The following ITGA1 variants were observed in gnomAD, a reference collection of about 807,000 sequenced individuals.
ITGA1 encodes integrin alpha-1.
A neutral mutation model predicts 145.9 loss-of-function variants in ITGA1; 85 were observed. The ratio of observed to expected loss-of-function variants is 0.58; its 90% CI spans 0.49 to 0.70. The LOEUF (loss-of-function observed/expected upper bound fraction) is 0.70, where lower values mean the gene tolerates loss of function less well. Among genes scored for constraint, ITGA1 ranks in the 30% least tolerant of loss-of-function variants. The pLI is 0.00. For missense variants in ITGA1, 1,351 were observed against 1,418.7 expected, an observed-to-expected ratio of 0.95 and a Z score of 0.77; for synonymous variants, 520 against 495.3, an observed-to-expected ratio of 1.05 and a Z score of -0.66.
chr5:52,888,411 T>G (rs996347760), intron 8 of ITGA1, among the ~76,000 whole-genome samples: 1 of 152,188 alleles, frequency 6.6e-6, no homozygotes, highest in Non-Finnish European at 1.5e-5. Flanking sequence ...TGGGCTTCCC[T>G]TCCCCGTCTG....
rs187802812 is a variant in ITGA1, at chr5:52,937,750, A to G, written c.3078+236A>G. Reference sequence around the variant, plus strand: ...CAAATTTATTCTTTCACGGTTCTGGAGTCCAGAAGTCCAAAATCAAGGTGT... The same window carrying G: ...CAAATTTATTCTTTCACGGTTCTGGGGTCCAGAAGTCCAAAATCAAGGTGT... On this transcript the variant is annotated intron_variant, in intron 24 of 28. Coordinates refer to ENST00000282588, the MANE Select transcript of ITGA1 (RefSeq NM_181501.2). Among the ~76,000 whole-genome samples the G allele has an allele frequency of 2.0e-5, 3 of 152,348 alleles. No homozygotes were observed. The East Asian group carries it at 5.8e-4, about 29-fold the overall frequency.
chr5:52,867,442 C>G (rs1018785670), intron 6 of ITGA1, among the ~76,000 whole-genome samples: 9 of 152,086 alleles, frequency 5.9e-5, no homozygotes, highest in African/African-American at 2.2e-4. Context: ...CTGGAAGTGA[C>G]TTATTTGCAA....
At chr5:52,795,039 C>A (rs1340891483) in intron 1 of ITGA1, among the ~76,000 whole-genome samples, 2 of 151,884 alleles carry the variant, frequency 1.3e-5, no homozygotes, top group Non-Finnish European at 2.9e-5. Context: ...TTAAGAGTAA[C>A]CTTCTTTTTA....
chr5:52,944,712 A>AT (rs1185204619), intron 26 of ITGA1, among the ~76,000 whole-genome samples: 6 of 152,054 alleles, frequency 3.9e-5, no homozygotes, highest in Non-Finnish European at 7.4e-5. Context: ...TATTTTTAAA[A>AT]TTTTTTTTCA....
At chr5:52,854,994 C>T (rs926449510) in intron 2 of ITGA1, among the ~76,000 whole-genome samples, 8 of 152,080 alleles carry the variant, frequency 5.3e-5, no homozygotes, top group East Asian at 1.9e-4. Context: ...AGGAATAAAA[C>T]GTAATAAGTT....
At chr5:52,933,718 C>T in intron 22 of ITGA1, 176 bp from the exon 23 acceptor site, 1 of 344,260 alleles carries the variant, frequency 2.9e-6, no homozygotes, top group Non-Finnish European at 5.4e-6. Context: ...TTACATAATC[C>T]TTCTCACTCT....
At chr5:52,790,162 A>C (rs1748211448) in intron 1 of ITGA1, among the ~76,000 whole-genome samples, 1 of 152,134 alleles carries the variant, frequency 6.6e-6, no homozygotes, top group Non-Finnish European at 1.5e-5. Context: ...CATGCACACT[A>C]CTGTAGAGCT....
At chr5:52,821,845 A>T (rs1748884670) in intron 1 of ITGA1, among the ~76,000 whole-genome samples, 1 of 152,082 alleles carries the variant, frequency 6.6e-6, no homozygotes, top group African/African-American at 2.4e-5. Flanking sequence ...TTTTTATTTG[A>T]GTTGTTTCGA....
chr5:52,835,728 G>T lies in ITGA1; in HGVS notation c.62-13637G>T, dbSNP rs554252813. 1.1e-4 allele frequency among the ~76,000 whole-genome samples: 17 copies of T among 152,216 alleles called. 2 individuals carry two copies. The South Asian group carries it at 2.1e-3, about 19-fold the overall frequency. On this transcript the variant is annotated intron_variant, in intron 1 of 28. Coordinates refer to ENST00000282588, the MANE Select transcript of ITGA1 (RefSeq NM_181501.2). ...TATTAGATTCCATTGATGTCACAAG[G>T]TGTTCTTTTTGTTGTTGTTATTGGT...
At chr5:52,910,096 T>G in intron 13 of ITGA1, 66 bp from the exon 14 acceptor site, 1 of 1,461,758 alleles carries the variant, frequency 6.8e-7, no homozygotes, top group Non-Finnish European at 9.3e-7. Flanking sequence ...TTAGTATACT[T>G]TAAAAATTCT....
At chr5:52,933,232 C>T (rs1301727392) in intron 22 of ITGA1, 1 of 152,002 alleles carries the variant, frequency 6.6e-6, no homozygotes, top group Non-Finnish European at 1.5e-5. Context: ...GATTATAGGA[C>T]ATACATGTAG....
At position 52,911,981 on chromosome 5, in the gene ITGA1, C is replaced by G. The variant is rs544223135; in HGVS notation, c.1857+1562C>G. 1.1e-3 allele frequency among the ~76,000 whole-genome samples: 74 copies of G among 68,656 alleles called. 5 individuals carry two copies. The highest frequency in any genetic ancestry group is 1.2e-3 in the Non-Finnish European group (37 of 30,038). The allele number at this position is 68,656 out of a possible 152,430, so 45.0% of individuals were successfully genotyped here. A position where few individuals can be genotyped will look rare whatever the true frequency, so the allele number is the denominator to read the frequency against. ...ATATATAGTGTATCTACTATATATA[C>G]TATATGTATAGTGTGTATCTACTAT... is the stretch of plus-strand genomic sequence containing the variant. On this transcript the variant is annotated intron_variant, in intron 14 of 28. Transcript: ENST00000282588.
chr5:52,939,615 T>C lies in ITGA1; in HGVS notation c.3104T>C (p.Phe1035Ser), dbSNP rs1158020567. The C allele has an allele frequency of 1.9e-6, 3 of 1,612,766 alleles. No homozygotes were observed. The highest frequency in any genetic ancestry group is 1.3e-5 in the African/African-American group (1 of 74,996). The part of the protein sequence containing the change: ...SENANCRPHI[F>S]EDPFSINSGK... ...AATGCAAACTGCAGACCCCATATCTTTGAGGATCCTTTCAGTATCAACTCT... is the reference window on the plus strand; with the variant it reads ...AATGCAAACTGCAGACCCCATATCTCTGAGGATCCTTTCAGTATCAACTCT... Residue 1035 changes from phenylalanine to serine, a missense_variant, in exon 25 of 29, where the codon TTT becomes TCT. Physicochemically the swap from Phe to Ser is radical, Grantham distance 155. Coordinates refer to ENST00000282588, the MANE Select transcript of ITGA1 (RefSeq NM_181501.2).
chr5:52,922,871 A>T lies in ITGA1; in HGVS notation c.2387A>T (p.Asn796Ile), dbSNP rs1308203035. The T allele has an allele frequency of 6.3e-7, 1 of 1,594,414 alleles. No individual in the cohort carries two copies. The highest frequency in any genetic ancestry group is 1.1e-5 in the South Asian group (1 of 90,676). The change falls in exon 18 of 29, where the codon AAC (asparagine) becomes ATC (isoleucine). Residue 796 changes from asparagine to isoleucine, a missense_variant. Coordinates refer to ENST00000282588, the MANE Select transcript of ITGA1 (RefSeq NM_181501.2). The stretch of plus-strand genomic sequence containing the variant: ...CCTGTTCTTGATGATTCTCTACCAA[A>T]CTCAGTACATGAATATGTAAGTCAG... ...NGPVLDDSLP[N>I]SVHEYIPFAK...
chr5:52,825,395 T>C (rs551836298), intron 1 of ITGA1, among the ~76,000 whole-genome samples: 89 of 152,320 alleles, frequency 5.8e-4, no homozygotes, highest in African/African-American at 2.1e-3. Flanking sequence ...CAGCAAGTGC[T>C]CATTTTGTGT....
At chr5:52,900,232 C>T (rs537416907) in intron 11 of ITGA1, among the ~76,000 whole-genome samples, 59 of 152,076 alleles carry the variant, frequency 3.9e-4, no homozygotes, top group Non-Finnish European at 7.2e-4. Flanking sequence ...ATGTGAAATA[C>T]CTTGGAATCA....
intron 1 of ITGA1, chr5:52,800,302 C>T: frequency 7.0e-7 from 1 of 1,429,626 alleles, no homozygotes; most frequent in Non-Finnish European, 9.6e-7. Flanking sequence ...GGCCCCGCCC[C>T]CTTCCTGGCC....
At chr5:52,937,935 T>C (rs1750995540) in intron 24 of ITGA1, among the ~76,000 whole-genome samples, 1 of 151,288 alleles carries the variant, frequency 6.6e-6, no homozygotes, top group Non-Finnish European at 1.5e-5. Context: ...TGTGTTTCTA[T>C]GTGTTCTCCT....
chr5:52,797,254 C>T (rs1748362245), intron 1 of ITGA1, among the ~76,000 whole-genome samples: 1 of 151,738 alleles, frequency 6.6e-6, no homozygotes, highest in Admixed American at 6.6e-5. Context: ...TTATAGTATA[C>T]TGAATTATGG....
Sources: allele counts gnomAD v4.1 joint callset (sites outside exome capture counted in the v4.1 genomes callset), GRCh38; gene constraint gnomAD v4.1.1; transcripts MANE v1.5; gene names NCBI Gene and HGNC (gene_info 2026-07-23, HGNC 2026-07-21).